The following SKA3 variants were observed in gnomAD, a reference collection of about 807,000 sequenced individuals.
SKA3 encodes the protein spindle and kinetochore associated complex subunit 3, also known as spindle and kinetochore-associated protein 3.
Under a neutral mutation model 44.2 loss-of-function variants are expected in SKA3, and 39 were observed. The ratio of observed to expected loss-of-function variants is 0.88; its 90% CI spans 0.68 to 1.15. The LOEUF (loss-of-function observed/expected upper bound fraction) is 1.15. Among genes scored for constraint, SKA3 ranks in the 50% most tolerant of loss-of-function variants. The probability of loss-of-function intolerance (pLI) is 0.00; values close to 1 mark genes in which losing one functional copy is unlikely to be tolerated. For synonymous variants in SKA3, 192 were observed against 172.0 expected (o/e 1.12, Z -0.91); for missense variants, 511 against 485.8 (o/e 1.05, Z -0.49).
intron 1 of SKA3, among the ~76,000 whole-genome samples, chr13:21,172,917 T>C (rs1231968867): frequency 6.6e-6 from 1 of 152,196 alleles, no homozygotes; most frequent in Non-Finnish European, 1.5e-5. Context: ...TCGCATGCTA[T>C]ACAGGTTTGT....
intron 7 of SKA3, 139 bp downstream of exon 7, chr13:21,157,783 T>C (rs1870195840): frequency 1.6e-6 from 1 of 607,632 alleles, no homozygotes; most frequent in Admixed American, 3.4e-5. Context: ...CAGCTCAGAA[T>C]TTAGATTCTC....
chr13:21,173,679 C>T (rs984101940), intron 1 of SKA3, among the ~76,000 whole-genome samples: 2 of 152,214 alleles, frequency 1.3e-5, no homozygotes, highest in African/African-American at 2.4e-5. Flanking sequence ...CATTCTTCCA[C>T]GTTCGTAATC....
Position 21,172,611 on chromosome 13 carries a change from G to T in SKA3, c.165+9C>A. The T allele has an allele frequency of 6.4e-7, 1 of 1,570,308 alleles. No individual in the cohort carries two copies. The highest frequency in any genetic ancestry group is 1.9e-5 in the Admixed American group (1 of 51,712). ...GAAAAATAATAAATCAATATTGTAG[G>T]AGTGATACCTTTAGAGTCTGAACTT... On this transcript the variant is annotated intron_variant, in intron 2 of 8. Transcript: ENST00000314759.
At chr13:21,159,871 G>A (rs1231413444) in intron 6 of SKA3, 31 bp downstream of exon 6, 2 of 1,158,340 alleles carry the variant, frequency 1.7e-6, no homozygotes, top group Non-Finnish European at 2.3e-6. Context: ...TTAGGAGAAA[G>A]ACTGTGGCTT....
intron 3 of SKA3, among the ~76,000 whole-genome samples, chr13:21,170,445 G>T (rs1870976557): frequency 6.6e-6 from 1 of 152,170 alleles, no homozygotes; most frequent in African/African-American, 2.4e-5. Flanking sequence ...CTCCCAAAGT[G>T]CTGGGATTAC....
At chr13:21,160,962 A>G (rs1190471849) in intron 5 of SKA3, among the ~76,000 whole-genome samples, 1 of 152,168 alleles carries the variant, frequency 6.6e-6, no homozygotes, top group Admixed American at 6.6e-5. Flanking sequence ...CTCTACCAAA[A>G]AAATACAAAC....
At chr13:21,161,991 G>T (rs1476316071) in intron 4 of SKA3, 116 bp from the exon 5 acceptor site, 7 of 508,428 alleles carry the variant, frequency 1.4e-5, no homozygotes, top group Non-Finnish European at 2.2e-5. Context: ...ATGCTTTATG[G>T]TACAGAAGTC....
intron 3 of SKA3, among the ~76,000 whole-genome samples, chr13:21,170,265 C>T (rs774248123): frequency 2.6e-5 from 4 of 151,434 alleles, no homozygotes; most frequent in Admixed American, 6.6e-5. Context: ...CGGCAACCTC[C>T]GTCTCCTGGG....
At position 21,154,840 on chromosome 13, in the gene SKA3, T is replaced by C. The variant is rs1302414927; in HGVS notation, c.*310A>G. On this transcript the variant is annotated 3_prime_UTR_variant, in exon 9 of 9. Transcript: ENST00000314759. Reference sequence around the variant, plus strand: ...TGAGTAGCAAACACCTTTATATTTTTGAAATTACTTGTCCTACTTCCTGGT... The same window carrying C: ...TGAGTAGCAAACACCTTTATATTTTCGAAATTACTTGTCCTACTTCCTGGT... The C allele has an allele frequency of 2.0e-6, 1 of 494,770 alleles. No homozygotes were observed. Among genetic ancestry groups the C allele is most frequent in the Non-Finnish European group, 3.6e-6 (1 of 276,712 alleles). 30.6% of individuals were successfully genotyped at this position (494,770 alleles called of 1,614,324 possible). A position where few individuals can be genotyped will look rare whatever the true frequency, so the allele number is the denominator to read the frequency against.
At position 21,176,504 on chromosome 13, in the gene SKA3, G is replaced by T. The variant is rs1871544697; in HGVS notation, c.-27C>A. Reference sequence around the variant, plus strand: ...CTGAGCACAGCGGGGAAGGACTCCAGGCGTACGCAGACCCCACCGCTCAGC... The same window carrying T: ...CTGAGCACAGCGGGGAAGGACTCCATGCGTACGCAGACCCCACCGCTCAGC... On this transcript the variant is annotated 5_prime_UTR_variant, in exon 1 of 9. The change creates a new upstream start codon in the 5' untranslated region. Transcript: ENST00000314759. The T allele has an allele frequency of 1.4e-6, 2 of 1,460,782 alleles. No individual in the cohort carries two copies. The highest frequency in any genetic ancestry group is 9.1e-7 in the Non-Finnish European group (1 of 1,095,178). 90.5% of individuals were successfully genotyped at this position (1,460,782 alleles called of 1,614,324 possible).
At position 21,170,535 on chromosome 13, in the gene SKA3, C is replaced by T. The variant is rs562603202; in HGVS notation, c.331+1804G>A. On this transcript the variant is annotated intron_variant, in intron 3 of 8. Transcript: ENST00000314759. ...TTTTAAAAGTCTTGAGTTTAAATCTCTAAAGTTTTATATTTTGATTTCATA... is the reference window on the plus strand; with the variant it reads ...TTTTAAAAGTCTTGAGTTTAAATCTTTAAAGTTTTATATTTTGATTTCATA... Among the ~76,000 whole-genome samples the T allele has an allele frequency of 5.3e-5, 8 of 152,194 alleles. No individual in the cohort carries two copies. The East Asian group carries it at 1.5e-3, about 29-fold the overall frequency.
chr13:21,158,620 C>CAAACA (rs758104581), intron 6 of SKA3, among the ~76,000 whole-genome samples: 94 of 152,136 alleles, frequency 6.2e-4, no homozygotes, highest in Middle Eastern at 3.4e-3. Context: ...GACTCCGTCA[C>CAAACA]AAACAAAACA....
intron 1 of SKA3, among the ~76,000 whole-genome samples, chr13:21,175,103 G>C (rs962488401): frequency 5.3e-5 from 8 of 151,540 alleles, no homozygotes; most frequent in Non-Finnish European, 1.2e-4. Flanking sequence ...CAGCCTCCGA[G>C]TAGCTGGGAT....
chr13:21,176,490 G>C lies in SKA3; in HGVS notation c.-13C>G. On this transcript the variant is annotated 5_prime_UTR_variant, in exon 1 of 9. Coordinates refer to ENST00000314759, the MANE Select transcript of SKA3 (RefSeq NM_145061.6). ...GGATAGGGTCCATGCTGAGCACAGC[G>C]GGGAAGGACTCCAGGCGTACGCAGA... is the stretch of plus-strand genomic sequence containing the variant. 27 of 1,508,478 alleles carry C rather than the reference G, an allele frequency of 1.8e-5. No individual in the cohort carries two copies. The highest frequency in any genetic ancestry group is 2.2e-5 in the Non-Finnish European group (25 of 1,123,760). The allele number at this position is 1,508,478 out of a possible 1,614,324, so 93.4% of individuals were successfully genotyped here.
At chr13:21,169,059 C>A (rs1870892418) in intron 3 of SKA3, among the ~76,000 whole-genome samples, 1 of 149,542 alleles carries the variant, frequency 6.7e-6, no homozygotes, top group Admixed American at 6.7e-5. Flanking sequence ...CTTCAGTGAG[C>A]ATCAGAATAT....
rs769671144 is a variant in SKA3 at position 21,159,972 on chromosome 13, T to C, written c.845A>G (p.Asn282Ser). ...QLEKSDAEYT[N>S]SPLVPTFCTP... The stretch of plus-strand genomic sequence containing the variant: ...ACAGAATGTAGGTACCAAAGGAGAG[T>C]TGGTATATTCGGCATCTAAAAGACA... The change falls in exon 6 of 9, where the codon AAC becomes AGC. Residue 282 changes from asparagine (N) to serine (S), a missense_variant. Coordinates refer to ENST00000314759, the MANE Select transcript of SKA3 (RefSeq NM_145061.6). 1.7e-5 allele frequency: 27 copies of C among 1,604,452 alleles called. No individual in the cohort carries two copies. In the East Asian group the frequency reaches 3.8e-4, roughly 23 times the overall value.
chr13:21,161,945 C>T, intron 4 of SKA3, 70 bp from the exon 5 acceptor site: 1 of 954,832 alleles, frequency 1.0e-6, no homozygotes, highest in Non-Finnish European at 1.5e-6. Flanking sequence ...AAAAATTTAA[C>T]CTTACTAAAT....
At chr13:21,167,451 A>G (rs1870771787) in intron 4 of SKA3, among the ~76,000 whole-genome samples, 1 of 152,160 alleles carries the variant, frequency 6.6e-6, no homozygotes, top group Admixed American at 6.6e-5. Context: ...TCTAATATAA[A>G]GTATCTGAAA....
intron 8 of SKA3, 106 bp from the exon 9 acceptor site, chr13:21,155,256 G>A: frequency 1.3e-6 from 1 of 795,486 alleles, no homozygotes; most frequent in Non-Finnish European, 1.9e-6. Context: ...AAATAATTGA[G>A]GATAGATTCC....
Sources: gnomAD v4.1 joint callset for allele counts (sites outside exome capture counted in the v4.1 genomes callset) on GRCh38, gnomAD v4.1.1 for gene constraint, MANE v1.5 for transcripts, NCBI Gene and HGNC (gene_info 2026-07-23, HGNC 2026-07-21) for gene names.